Variants in TBL1XR1 observed in about 807,000 individuals in gnomAD.
TBL1XR1 encodes the protein TBL1X/Y related 1.
In TBL1XR1, 5 loss-of-function variants were observed where a neutral mutation model predicts 66.9. The observed-to-expected ratio is 0.07, with a 90% CI of 0.04 to 0.16. TBL1XR1 has a LOEUF of 0.16. Ranked by LOEUF, TBL1XR1 falls within the 10% of genes least tolerant of loss-of-function variation. TBL1XR1 has a pLI of 1.00. For missense variants in TBL1XR1, 238 were observed against 623.2 expected (o/e 0.38, Z 6.58); for synonymous variants, 210 against 206.0 (o/e 1.02, Z -0.17).
chr3:177,032,995 T>C lies in TBL1XR1; in HGVS notation c.1392A>G (p.Lys464=), dbSNP rs776138830. Residue 464 remains lysine (K), a synonymous_variant, in exon 14 of 16, where the codon AAA becomes AAG. Coordinates refer to ENST00000457928, the MANE Select transcript of TBL1XR1 (RefSeq NM_024665.7). ...CCTGCGTGTTCCAGATGTGTACACA[T>C]TTGTCAAAAGAACCACTTGCCAGAT... ...GRYLASGSFD[K]CVHIWNTQTG... 1.9e-6 allele frequency: 3 copies of C among 1,605,156 alleles called. No individual in the cohort carries two copies. The highest frequency in any genetic ancestry group is 2.6e-6 in the Non-Finnish European group (3 of 1,175,176).
intron 1 of TBL1XR1, among the ~76,000 whole-genome samples, chr3:177,118,692 C>T (rs1425757336): frequency 6.6e-6 from 1 of 152,176 alleles, no homozygotes; most frequent in African/African-American, 2.4e-5. Context: ...TGCTTCATTT[C>T]AGATGCTAAG....
At chr3:177,179,346 A>G (rs907672701) in intron 1 of TBL1XR1, among the ~76,000 whole-genome samples, 2 of 152,234 alleles carry the variant, frequency 1.3e-5, no homozygotes, top group Non-Finnish European at 2.9e-5. Flanking sequence ...AAAATCACGT[A>G]TGAACCAGAG....
At chr3:177,041,538 T>C (rs1233153076) in intron 10 of TBL1XR1, among the ~76,000 whole-genome samples, 2 of 152,232 alleles carry the variant, frequency 1.3e-5, no homozygotes, top group Non-Finnish European at 2.9e-5. Context: ...GGCCTGCCTT[T>C]TGGAGAAACC....
intron 10 of TBL1XR1, among the ~76,000 whole-genome samples, chr3:177,045,754 C>T (rs1238782172): frequency 6.6e-6 from 1 of 151,988 alleles, no homozygotes; most frequent in Non-Finnish European, 1.5e-5. Context: ...ATTATTATCC[C>T]TCATTTACAG....
chr3:177,185,709 A>G (rs530927501), intron 1 of TBL1XR1, among the ~76,000 whole-genome samples: 6 of 152,066 alleles, frequency 3.9e-5, no homozygotes, highest in Non-Finnish European at 8.8e-5. Flanking sequence ...AATCTAAATA[A>G]ATATATAAAA....
Position 177,024,032 on chromosome 3 carries a change from ATATC to A in TBL1XR1, c.*1462_*1465del, listed in dbSNP as rs918956384. 2 of 152,026 alleles carry A rather than the reference ATATC, an allele frequency of 1.3e-5. No individual in the cohort carries two copies. Among genetic ancestry groups the A allele is most frequent in the African/African-American group, 4.8e-5 (2 of 41,392 alleles). The allele number at this position is 152,026 out of a possible 1,614,324, so 9.4% of individuals were successfully genotyped here. ...CTAAGTTGCATGAGCACAAGGTTTAATATCTATATCTTTAAGAAAATACTTGATA... is the reference window on the plus strand; with the variant it reads ...CTAAGTTGCATGAGCACAAGGTTTAATATATCTTTAAGAAAATACTTGATA... On this transcript the variant is annotated 3_prime_UTR_variant, in exon 16 of 16. Coordinates refer to ENST00000457928, the MANE Select transcript of TBL1XR1 (RefSeq NM_024665.7).
chr3:177,147,360 C>T (rs549404916), intron 1 of TBL1XR1, among the ~76,000 whole-genome samples: 15 of 152,166 alleles, frequency 9.9e-5, no homozygotes, highest in African/African-American at 3.4e-4. Context: ...AGTAAAACTT[C>T]GTTTACTATA....
intron 2 of TBL1XR1, among the ~76,000 whole-genome samples, chr3:177,080,584 C>T (rs1417388319): frequency 6.6e-6 from 1 of 152,128 alleles, no homozygotes; most frequent in African/African-American, 2.4e-5. Flanking sequence ...AAATAGAAAT[C>T]TGGCTTCTCC....
intron 1 of TBL1XR1, among the ~76,000 whole-genome samples, chr3:177,187,627 A>C (rs1481208039): frequency 2.6e-5 from 4 of 152,134 alleles, no homozygotes; most frequent in Non-Finnish European, 5.9e-5. Flanking sequence ...ACCCCATTCA[A>C]GCAGATGCAA....
intron 1 of TBL1XR1, among the ~76,000 whole-genome samples, chr3:177,173,490 CA>C (rs1220859465): frequency 6.6e-6 from 1 of 152,108 alleles, no homozygotes; most frequent in African/African-American, 2.4e-5. Flanking sequence ...ACAGGCACAT[CA>C]ACTCTATGGT....
At chr3:177,082,520 A>G (rs1234636198) in intron 2 of TBL1XR1, among the ~76,000 whole-genome samples, 1 of 151,548 alleles carries the variant, frequency 6.6e-6, no homozygotes, top group Non-Finnish European at 1.5e-5. Flanking sequence ...TATCAGAATA[A>G]CTATCAGATT....
intron 14 of TBL1XR1, chr3:177,027,852 T>C (rs1713374930): frequency 6.6e-6 from 1 of 152,182 alleles, no homozygotes. Context: ...AGTTCAAGTA[T>C]AGTAGGCTTT....
At chr3:177,168,334 T>G (rs1447225905) in intron 1 of TBL1XR1, among the ~76,000 whole-genome samples, 1 of 151,348 alleles carries the variant, frequency 6.6e-6, no homozygotes, top group African/African-American at 2.4e-5. Context: ...CAGATTGGAG[T>G]GCAGTGGTGC....
At chr3:177,167,927 A>G (rs78191004) in intron 1 of TBL1XR1, among the ~76,000 whole-genome samples, 3 of 151,414 alleles carry the variant, frequency 2.0e-5, no homozygotes, top group Non-Finnish European at 2.9e-5. Flanking sequence ...ACACTGTTTC[A>G]AAAAAAACAA....
intron 1 of TBL1XR1, among the ~76,000 whole-genome samples, chr3:177,159,350 T>TA (rs1560242716): frequency 6.6e-6 from 1 of 152,080 alleles, no homozygotes; most frequent in East Asian, 1.9e-4. Flanking sequence ...ACAACTGGAG[T>TA]ATACATTTTA....
chr3:177,192,017 C>T (rs1736203242), intron 1 of TBL1XR1, among the ~76,000 whole-genome samples: 1 of 149,956 alleles, frequency 6.7e-6, no homozygotes, highest in African/African-American at 2.5e-5. Context: ...CGCTTGAACC[C>T]GGGAGGCAGA....
chr3:177,050,331 T>C (rs1716887043), intron 6 of TBL1XR1, 147 bp downstream of exon 6: 2 of 1,251,778 alleles, frequency 1.6e-6, no homozygotes, highest in Admixed American at 2.9e-5. Flanking sequence ...TTAAAAATTC[T>C]ACAATTACTT....
At chr3:177,186,695 A>G (rs925153036) in intron 1 of TBL1XR1, among the ~76,000 whole-genome samples, 4 of 152,220 alleles carry the variant, frequency 2.6e-5, no homozygotes, top group African/African-American at 9.6e-5. Context: ...CTCATGTCAC[A>G]TACTTTCCAG....
intron 1 of TBL1XR1, among the ~76,000 whole-genome samples, chr3:177,168,144 A>G (rs558871528): frequency 2.0e-5 from 3 of 152,344 alleles, no homozygotes; most frequent in Admixed American, 6.5e-5. Flanking sequence ...AGAAACTAGG[A>G]TTCTGTCACA....
Sources: gnomAD v4.1 joint callset for allele counts (sites outside exome capture counted in the v4.1 genomes callset) on GRCh38, gnomAD v4.1.1 for gene constraint, MANE v1.5 for transcripts, NCBI Gene and HGNC (gene_info 2026-07-23, HGNC 2026-07-21) for gene names.